The following FBXL2 variants were observed in gnomAD, a reference collection of about 807,000 sequenced individuals.
FBXL2 encodes the protein F-box/LRR-repeat protein 2.
FBXL2 carries 38 observed loss-of-function variants against 69.2 expected under a neutral mutation model. That is an observed-to-expected ratio of 0.55 (90% CI 0.42 to 0.72). FBXL2 has a LOEUF of 0.72. Among genes scored for constraint, FBXL2 ranks in the 30% least tolerant of loss-of-function variants. The probability of loss-of-function intolerance (pLI) is 0.00; values close to 1 mark genes in which losing one functional copy is unlikely to be tolerated. For missense variants in FBXL2, 354 were observed against 520.3 expected (o/e 0.68, Z 3.11); for synonymous variants, 192 against 201.3 (o/e 0.95, Z 0.39).
intron 2 of FBXL2, among the ~76,000 whole-genome samples, chr3:33,320,314 A>G (rs537196288): frequency 2.0e-5 from 3 of 152,122 alleles, no homozygotes; most frequent in Non-Finnish European, 4.4e-5. Context: ...ATGAGGGACA[A>G]TATATGGTTC....
At chr3:33,359,226 C>T in intron 3 of FBXL2, 57 bp from the exon 4 acceptor site, 16 of 1,428,500 alleles carry the variant, frequency 1.1e-5, no homozygotes, top group Non-Finnish European at 1.6e-5. Context: ...CTTTAATAGT[C>T]TCAATAAATG....
intron 4 of FBXL2, among the ~76,000 whole-genome samples, chr3:33,363,481 G>C (rs1285278503): frequency 6.6e-6 from 1 of 152,192 alleles, no homozygotes; most frequent in African/African-American, 2.4e-5. Context: ...GGAGGTAGAG[G>C]TTGTAGTTAG....
At chr3:33,408,657 T>C (rs772922666), downstream of FBXL2, 1 of 1,584,812 alleles carries the variant, frequency 6.3e-7, no homozygotes, top group Admixed American at 1.8e-5. Context: ...CAAGGTTTCT[T>C]GCACAATGAA....
At chr3:33,402,672 A>C in intron 12 of FBXL2, 1 of 597,022 alleles carries the variant, frequency 1.7e-6, no homozygotes, top group Admixed American at 3.9e-5. Context: ...ACCAAGATAC[A>C]GGATACTTCC....
downstream of FBXL2, among the ~76,000 whole-genome samples, chr3:33,407,055 A>G (rs2044446237): frequency 6.6e-6 from 1 of 152,210 alleles, no homozygotes; most frequent in South Asian, 2.1e-4. Context: ...TAGGAGTTTG[A>G]AGAAACATAT....
chr3:33,380,178 T>TC (rs57010607), intron 13 of FBXL2, among the ~76,000 whole-genome samples: 11,607 of 144,506 alleles, frequency 0.08, 525 homozygotes, highest in South Asian at 0.11. Flanking sequence ...TGAGCCAAGG[T>TC]CACACCACTG....
chr3:33,403,995 C>G (rs1406517802), downstream of FBXL2, among the ~76,000 whole-genome samples: 2 of 152,202 alleles, frequency 1.3e-5, no homozygotes, highest in African/African-American at 2.4e-5. Flanking sequence ...CCCCTAATCT[C>G]AGTGCTTTGG....
intron 3 of FBXL2, 112 bp from the exon 4 acceptor site, chr3:33,359,171 T>C: frequency 1.0e-6 from 1 of 985,868 alleles, no homozygotes; most frequent in South Asian, 1.8e-5. Context: ...TAACTTAATA[T>C]ACATCAAAAA....
At chr3:33,277,620 G>A (rs2033427985) in intron 1 of FBXL2, 105 bp downstream of exon 1, 9 of 1,150,078 alleles carry the variant, frequency 7.8e-6, no homozygotes, top group Non-Finnish European at 9.9e-6. Flanking sequence ...CAGGGGTCGT[G>A]GAGAGGCCGG....
At position 33,373,177 on chromosome 3, in the gene FBXL2, A is replaced by C; in HGVS notation, c.359+17A>C. On this transcript the variant is annotated intron_variant, in intron 6 of 14. Coordinates refer to ENST00000484457, the MANE Select transcript of FBXL2 (RefSeq NM_012157.5). The stretch of plus-strand genomic sequence containing the variant: ...CACTGACAGGTAAGTAATGAAGATT[A>C]ATTGGTGACCAAATAGCCACGGGGA... 6.2e-7 allele frequency: 1 copy of C among 1,613,186 alleles called. No homozygotes were observed. Among genetic ancestry groups the C allele is most frequent in the African/African-American group, 1.3e-5 (1 of 75,050 alleles).
chr3:33,294,055 C>T (rs1319248908), intron 1 of FBXL2, among the ~76,000 whole-genome samples: 3 of 152,062 alleles, frequency 2.0e-5, no homozygotes, highest in Non-Finnish European at 2.9e-5. Context: ...AGCTAGAAAT[C>T]AATAATAGAA....
At chr3:33,403,853 A>G (rs57076733), downstream of FBXL2, among the ~76,000 whole-genome samples, 39,000 of 152,078 alleles carry the variant, frequency 0.26, 5,893 homozygotes, top group East Asian at 0.47. Flanking sequence ...CTAAAAACCA[A>G]TGGATCTGAG....
chr3:33,355,740 G>A (rs762620098), intron 2 of FBXL2, among the ~76,000 whole-genome samples: 2 of 152,176 alleles, frequency 1.3e-5, no homozygotes, highest in Non-Finnish European at 2.9e-5. Context: ...GTAAAGCTGA[G>A]GCTATCACAT....
chr3:33,398,733 T>C (rs934718594), intron 12 of FBXL2, among the ~76,000 whole-genome samples: 6 of 152,206 alleles, frequency 3.9e-5, no homozygotes, highest in Admixed American at 2.0e-4. Flanking sequence ...ACTCACCAGA[T>C]AGAAACATGG....
At chr3:33,421,424 C>T in the FBXL2 span, among the ~76,000 whole-genome samples, 20 of 152,312 alleles carry the variant, frequency 1.3e-4, no homozygotes, top group African/African-American at 4.8e-4. Flanking sequence ...AGGCGTGCGC[C>T]ACCATGCTCA....
intron 2 of FBXL2, among the ~76,000 whole-genome samples, chr3:33,310,502 A>G (rs2037094913): frequency 6.6e-6 from 1 of 152,206 alleles, no homozygotes; most frequent in Non-Finnish European, 1.5e-5. Context: ...TGTGACTTAT[A>G]TATGCCATAA....
chr3:33,277,576 C>G, intron 1 of FBXL2, 61 bp downstream of exon 1: 1 of 1,249,914 alleles, frequency 8.0e-7, no homozygotes, highest in Non-Finnish European at 1.0e-6. Context: ...GCTGGGTCCG[C>G]ACGCCGCCGC....
chr3:33,350,339 C>G (rs2040741786), intron 2 of FBXL2, among the ~76,000 whole-genome samples: 1 of 150,684 alleles, frequency 6.6e-6, no homozygotes. Flanking sequence ...TTGTGGCACC[C>G]ACTCGTGATA....
chr3:33,325,827 A>T (rs2038646301), intron 2 of FBXL2, among the ~76,000 whole-genome samples: 1 of 152,202 alleles, frequency 6.6e-6, no homozygotes, highest in Admixed American at 6.5e-5. Flanking sequence ...ATGAATTAGT[A>T]ATAGAATAAA....
Sources: gnomAD v4.1 joint callset for allele counts (sites outside exome capture counted in the v4.1 genomes callset) on GRCh38, gnomAD v4.1.1 for gene constraint, MANE v1.5 for transcripts, NCBI Gene and HGNC (gene_info 2026-07-23, HGNC 2026-07-21) for gene names.